CLVS1: variants seen among roughly 807,000 people sequenced by gnomAD.
CLVS1 encodes the protein clavesin-1.
CLVS1 carries 10 observed loss-of-function variants against 33.1 expected under a neutral mutation model. The ratio of observed to expected loss-of-function variants is 0.30; its 90% CI spans 0.19 to 0.51. The LOEUF is 0.51. CLVS1 is among the 20% of genes least tolerant of loss of function. CLVS1 has a pLI of 0.97. For synonymous variants in CLVS1, 163 were observed against 166.1 expected (o/e 0.98, Z 0.14); for missense variants, 343 against 433.4 (o/e 0.79, Z 1.85).
chr8:61,234,087 G>A (rs1213353836), intron 2 of CLVS1, among the ~76,000 whole-genome samples: 1 of 152,192 alleles, frequency 6.6e-6, no homozygotes, highest in African/African-American at 2.4e-5. Flanking sequence ...GGCTGAGGTG[G>A]CAGTGGCAAG....
intron 1 of CLVS1, among the ~76,000 whole-genome samples, chr8:61,095,472 C>T (rs1277078939): frequency 3.3e-5 from 5 of 152,122 alleles, no homozygotes; most frequent in Admixed American, 1.3e-4. Flanking sequence ...ACAGGGCGCG[C>T]CTAGGAGGTG....
chr8:61,408,001 C>T (rs1472892286), intron 3 of CLVS1, among the ~76,000 whole-genome samples: 1 of 152,090 alleles, frequency 6.6e-6, no homozygotes, highest in Admixed American at 6.5e-5. Flanking sequence ...CCTGATATTC[C>T]ACTTCTTTAT....
At chr8:61,413,777 C>G (rs992936698) in intron 3 of CLVS1, among the ~76,000 whole-genome samples, 1 of 152,174 alleles carries the variant, frequency 6.6e-6, no homozygotes, top group African/African-American at 2.4e-5. Context: ...CTCCCAGATT[C>G]TCTAGCTTGG....
rs188397839 is a variant in CLVS1 at position 61,353,205 on chromosome 8, G to A, written c.456-23400G>A. Among the ~76,000 whole-genome samples the A allele has an allele frequency of 1.2e-4, 19 of 152,072 alleles. No homozygotes were observed. In the East Asian group the frequency reaches 3.5e-3, roughly 28 times the overall value. ...CGCAATCAACCAACAGGATCTAATTGACATTTATAGAACACATCACACAAC... is the reference window on the plus strand; with the variant it reads ...CGCAATCAACCAACAGGATCTAATTAACATTTATAGAACACATCACACAAC... On this transcript the variant is annotated intron_variant, in intron 2 of 5. Coordinates refer to ENST00000325897, the MANE Select transcript of CLVS1 (RefSeq NM_173519.3).
intron 3 of CLVS1, among the ~76,000 whole-genome samples, chr8:61,399,680 A>G (rs563186519): frequency 6.6e-6 from 1 of 152,310 alleles, no homozygotes; most frequent in Non-Finnish European, 1.5e-5. Context: ...TTTACATTTA[A>G]GTCTTCAGTG....
intron 2 of CLVS1, among the ~76,000 whole-genome samples, chr8:61,235,848 C>A (rs570860963): frequency 1.3e-5 from 2 of 152,302 alleles, no homozygotes; most frequent in South Asian, 4.1e-4. Context: ...GGGCCAAGAT[C>A]ATTTGAGACT....
intron 3 of CLVS1, among the ~76,000 whole-genome samples, chr8:61,442,367 C>T (rs1163566950): frequency 6.6e-6 from 1 of 152,100 alleles, no homozygotes; most frequent in Non-Finnish European, 1.5e-5. Context: ...TGAGTTGTTT[C>T]CACTTTTTAT....
At chr8:61,232,649 T>A (rs1808471708) in intron 2 of CLVS1, among the ~76,000 whole-genome samples, 1 of 152,304 alleles carries the variant, frequency 6.6e-6, no homozygotes, top group Non-Finnish European at 1.5e-5. Context: ...CTTCTTAATA[T>A]ATGGATATTC....
intron 2 of CLVS1, among the ~76,000 whole-genome samples, chr8:61,278,860 A>G (rs1307479558): frequency 6.6e-6 from 1 of 151,994 alleles, no homozygotes; most frequent in Non-Finnish European, 1.5e-5. Context: ...TCCTACTCCC[A>G]TGCTCCTGGG....
intron 2 of CLVS1, among the ~76,000 whole-genome samples, chr8:61,170,104 T>A (rs555472287): frequency 6.6e-6 from 1 of 152,230 alleles, no homozygotes; most frequent in South Asian, 2.1e-4. Context: ...AGTGAAATCA[T>A]CCCACAATCA....
upstream of CLVS1, among the ~76,000 whole-genome samples, chr8:61,054,307 C>A (rs1170755561): frequency 1.3e-5 from 2 of 152,324 alleles, no homozygotes; most frequent in East Asian, 3.9e-4. Context: ...ACCAGAGAAG[C>A]TGGGTGAGGA....
intron 3 of CLVS1, among the ~76,000 whole-genome samples, chr8:61,445,039 C>A (rs1236635665): frequency 6.6e-6 from 1 of 152,096 alleles, no homozygotes; most frequent in South Asian, 2.1e-4. Context: ...TCCAGAAGAC[C>A]TCAGATGTCA....
Position 61,112,229 on chromosome 8 carries a change from CAGAG to C in CLVS1, c.-242-19530_-242-19527del, listed in dbSNP as rs543340398. On this transcript the variant is annotated intron_variant, in intron 1 of 2. Transcript: ENST00000522621. ...ACACACACACACACACGCACAGAGA[CAGAG>C]AGAGAGAGAGGTTCATATTATTTTC... is the stretch of plus-strand genomic sequence containing the variant. Among the ~76,000 whole-genome samples, 168 of 150,082 alleles carry C rather than the reference CAGAG, an allele frequency of 1.1e-3. 1 individual carries two copies. Among genetic ancestry groups the C allele is most frequent in the African/African-American group, 3.5e-3 (144 of 41,106 alleles).
At chr8:61,031,841 A>G in the CLVS1 span, among the ~76,000 whole-genome samples, 12 of 152,164 alleles carry the variant, frequency 7.9e-5, no homozygotes, top group African/African-American at 2.9e-4. Context: ...ACAAATTGGC[A>G]TATGTTTTAA....
At chr8:60,971,615 G>A in the CLVS1 span, among the ~76,000 whole-genome samples, 1 of 152,216 alleles carries the variant, frequency 6.6e-6, no homozygotes, top group Admixed American at 6.5e-5. Context: ...TATTGGCATG[G>A]GGGTTGCCTG....
intron 5 of CLVS1, among the ~76,000 whole-genome samples, chr8:61,473,406 C>T (rs1049230234): frequency 7.6e-5 from 11 of 145,366 alleles, no homozygotes; most frequent in Non-Finnish European, 1.0e-4. Flanking sequence ...GGGAAAATGA[C>T]GGGGGTGATG....
chr8:61,422,361 C>G (rs1424163438), intron 3 of CLVS1, among the ~76,000 whole-genome samples: 1 of 152,056 alleles, frequency 6.6e-6, no homozygotes, highest in Non-Finnish European at 1.5e-5. Flanking sequence ...GTCTGCAGCA[C>G]GTGAAGCATG....
intron 2 of CLVS1, among the ~76,000 whole-genome samples, chr8:61,318,123 A>C (rs780292722): frequency 3.3e-5 from 5 of 152,072 alleles, no homozygotes; most frequent in Admixed American, 1.3e-4. Context: ...AATTAAAATT[A>C]TTTTCCTTGA....
At position 61,187,095 on chromosome 8, in the gene CLVS1, G is replaced by A. The variant is rs115949724; in HGVS notation, c.-152+55235G>A. 3.4e-3 allele frequency among the ~76,000 whole-genome samples: 517 copies of A among 151,656 alleles called. 3 individuals carry two copies. Among genetic ancestry groups the A allele is most frequent in the African/African-American group, 0.012 (491 of 41,450 alleles). ...ATAAAACTGAGGGAAATTATACAGC[G>A]ATGAGTGTTTCCAAACATTTTCCAA... On this transcript the variant is annotated intron_variant, in intron 2 of 2. Coordinates refer to the CLVS1 transcript ENST00000522621.
Sources: allele counts gnomAD v4.1 joint callset (sites outside exome capture counted in the v4.1 genomes callset), GRCh38; gene constraint gnomAD v4.1.1; transcripts MANE v1.5; gene names NCBI Gene and HGNC (gene_info 2026-07-23, HGNC 2026-07-21).